Variants in ETV1 observed in about 807,000 individuals in gnomAD.
The protein encoded by ETV1 is ETS variant transcription factor 1.
Under a neutral mutation model 62.3 loss-of-function variants are expected in ETV1, and 27 were observed. That is an observed-to-expected ratio of 0.43 (90% CI 0.32 to 0.60). The LOEUF (loss-of-function observed/expected upper bound fraction) is 0.60. Ranked by LOEUF, ETV1 falls within the 20% of genes least tolerant of loss-of-function variation. The pLI is 0.06. For synonymous variants in ETV1, 222 were observed against 199.6 expected (o/e 1.11, Z -0.94); for missense variants, 605 against 605.8 (o/e 1.00, Z 0.01).
chr7:13,904,913 T>G (rs988574873), intron 12 of ETV1, among the ~76,000 whole-genome samples: 1 of 149,742 alleles, frequency 6.7e-6, no homozygotes, highest in Non-Finnish European at 1.5e-5. Flanking sequence ...GACAGCTAAG[T>G]TAATTTTAAA....
At chr7:13,936,112 C>G (rs1035055394) in intron 7 of ETV1, among the ~76,000 whole-genome samples, 1 of 152,104 alleles carries the variant, frequency 6.6e-6, no homozygotes, top group Admixed American at 6.6e-5. Flanking sequence ...AACCTTGTAA[C>G]AGAACAAATA....
At chr7:13,920,232 A>ATAT (rs1784684813) in intron 9 of ETV1, among the ~76,000 whole-genome samples, 1 of 152,220 alleles carries the variant, frequency 6.6e-6, no homozygotes, top group African/African-American at 2.4e-5. Context: ...CAGACCCACC[A>ATAT]GTTCCTGTTT....
intron 6 of ETV1, among the ~76,000 whole-genome samples, chr7:13,940,029 A>T (rs560774953): frequency 3.3e-5 from 5 of 152,332 alleles, no homozygotes; most frequent in Non-Finnish European, 7.3e-5. Flanking sequence ...AAAAATACGT[A>T]TATGGGGAGG....
chr7:13,968,932 T>A (rs1303941217), intron 6 of ETV1, among the ~76,000 whole-genome samples: 1 of 152,148 alleles, frequency 6.6e-6, no homozygotes, highest in Non-Finnish European at 1.5e-5. Context: ...ACTTGCAAGA[T>A]GGAGAGTACT....
intron 9 of ETV1, 48 bp downstream of exon 9, chr7:13,931,454 G>T (rs953253791): frequency 2.4e-5 from 39 of 1,609,156 alleles, no homozygotes; most frequent in Non-Finnish European, 3.1e-5. Flanking sequence ...TGTGACAAGG[G>T]AGGTGAAAAA....
Position 13,900,649 on chromosome 7 carries a change from G to T in ETV1, c.1212+89C>A, listed in dbSNP as rs1782316565. The T allele has an allele frequency of 4.4e-6, 4 of 910,256 alleles. No homozygotes were observed. The South Asian group carries it at 5.4e-5, about 12-fold the overall frequency. 56.4% of individuals were successfully genotyped at this position (910,256 alleles called of 1,614,324 possible). A position where few individuals can be genotyped will look rare whatever the true frequency, so the allele number is the denominator to read the frequency against. ...TAAAATGAGTGAAAAACTCGCTTCA[G>T]CAATGCAATGATATGTGGCGTTTAA... On this transcript the variant is annotated intron_variant, in intron 13 of 13. Coordinates refer to ENST00000430479, the MANE Select transcript of ETV1 (RefSeq NM_004956.5).
chr7:13,899,414 G>A (rs866738308), intron 13 of ETV1, among the ~76,000 whole-genome samples: 15 of 152,290 alleles, frequency 9.8e-5, no homozygotes, highest in Middle Eastern at 3.4e-3. Flanking sequence ...AAGTTCTAAC[G>A]TCTGAGCCAG....
intron 8 of ETV1, among the ~76,000 whole-genome samples, chr7:13,935,027 A>C (rs2128455132): frequency 1.3e-5 from 2 of 152,334 alleles, no homozygotes; most frequent in Middle Eastern, 6.8e-3. Flanking sequence ...GAACCTCTAC[A>C]GGTTTTATTT....
intron 12 of ETV1, 129 bp from the exon 13 acceptor site, chr7:13,900,968 G>C (rs893152322): frequency 2.2e-5 from 12 of 542,282 alleles, no homozygotes; most frequent in African/African-American, 5.9e-5. Context: ...AAAGTAGCAA[G>C]AGCTATCGTA....
chr7:13,931,848 C>A (rs1022655247), intron 8 of ETV1, 99 bp from the exon 9 acceptor site: 15 of 1,398,128 alleles, frequency 1.1e-5, no homozygotes, highest in Non-Finnish European at 1.4e-5. Flanking sequence ...GAACATGATA[C>A]CAGCTGACCT....
chr7:13,898,996 A>G (rs1260536745), intron 13 of ETV1, among the ~76,000 whole-genome samples: 2 of 152,200 alleles, frequency 1.3e-5, no homozygotes, highest in Non-Finnish European at 2.9e-5. Context: ...TCATTTAATA[A>G]TCACAGCAAC....
At chr7:13,959,648 C>T (rs557223709) in intron 6 of ETV1, among the ~76,000 whole-genome samples, 73 of 152,080 alleles carry the variant, frequency 4.8e-4, no homozygotes, top group Admixed American at 7.2e-4. Context: ...CTTTGCAAGG[C>T]CGAGGCAGGT....
At chr7:13,981,491 G>A (rs996655537) in intron 5 of ETV1, among the ~76,000 whole-genome samples, 1 of 149,648 alleles carries the variant, frequency 6.7e-6, no homozygotes, top group Non-Finnish European at 1.5e-5. Context: ...AATAAATGAC[G>A]TTTACAAAGT....
At position 13,986,671 on chromosome 7, in the gene ETV1, G is replaced by T. The variant is rs1782579541; in HGVS notation, c.148C>A (p.Leu50Ile). ...AGCCATGTTTCCTGTAATTGACTTA[G>T]ATCTTGAAAGAGTTCTAAAAAACAA... ...AHDSEELFQD[L>I]SQLQETWLAE... Residue 50 changes from leucine to isoleucine, a missense_variant, in exon 5 of 14, where the codon CTA becomes ATA. Around this residue, in one of 3 missense-constraint regions of ETV1, gnomAD observed 426 missense variants for 377.8 expected, o/e 1.13. Coordinates refer to ENST00000430479, the MANE Select transcript of ETV1 (RefSeq NM_004956.5). 1.2e-6 allele frequency: 2 copies of T among 1,610,510 alleles called. No homozygotes were observed. Among genetic ancestry groups the T allele is most frequent in the South Asian group, 1.1e-5 (1 of 90,132 alleles).
In ETV1 at chr7:13,893,557, C is replaced by T. The variant is rs10269866; in HGVS notation, c.*2309G>A. The stretch of plus-strand genomic sequence containing the variant: ...CATTGTTCTCTTGTGATAACGTTAG[C>T]ATGGCCCAATTCTTCCTCACTGACT... On this transcript the variant is annotated 3_prime_UTR_variant, in exon 14 of 14. Coordinates refer to ENST00000430479, the MANE Select transcript of ETV1 (RefSeq NM_004956.5). 4.8e-3 allele frequency: 1,112 copies of T among 231,726 alleles called. 6 individuals are homozygous for T. Among genetic ancestry groups the T allele is most frequent in the African/African-American group, 0.018 (822 of 45,340 alleles). 14.4% of individuals were successfully genotyped at this position (231,726 alleles called of 1,614,324 possible).
intron 9 of ETV1, 70 bp downstream of exon 9, chr7:13,931,431 CA>C: frequency 1.3e-6 from 2 of 1,573,918 alleles, no homozygotes; most frequent in Non-Finnish European, 1.7e-6. Flanking sequence ...AGTCTGATAC[CA>C]ACACTAACCA....
At chr7:13,936,293 T>C (rs1228302475) in intron 7 of ETV1, among the ~76,000 whole-genome samples, 5 of 152,230 alleles carry the variant, frequency 3.3e-5, no homozygotes, top group Admixed American at 6.5e-5. Flanking sequence ...TTTTATATTA[T>C]GTAAGATTTT....
chr7:13,966,555 TGAGGTCACTTGAG>T (rs1251779566), intron 6 of ETV1, among the ~76,000 whole-genome samples: 2 of 151,896 alleles, frequency 1.3e-5, no homozygotes, highest in East Asian at 3.9e-4. Context: ...CCCAGGAGAT[TGAGGTCACTTGAG>T]CCCAGGAGAC....
rs539292369 is a variant in ETV1, at chr7:13,957,288, G to A, written c.236-18042C>T. 5.9e-5 allele frequency among the ~76,000 whole-genome samples: 9 copies of A among 151,884 alleles called. No individual in the cohort carries two copies. The Middle Eastern group carries it at 0.01, about 172-fold the overall frequency. ...TTTTTAGTAGTGACGGGGTTTCACC[G>A]TGTTAGCCAGGATGGTCTCGATCTC... On this transcript the variant is annotated intron_variant, in intron 6 of 13. Coordinates refer to ENST00000430479, the MANE Select transcript of ETV1 (RefSeq NM_004956.5).
Sources: gnomAD v4.1 joint callset for allele counts (sites outside exome capture counted in the v4.1 genomes callset) on GRCh38, gnomAD v4.1.1 for gene constraint, gnomAD v4.1.1 regional missense constraint, MANE v1.5 for transcripts, NCBI Gene and HGNC (gene_info 2026-07-23, HGNC 2026-07-21) for gene names.